The following TTC28 variants were observed in gnomAD, a reference collection of about 807,000 sequenced individuals.
The protein encoded by TTC28 is tetratricopeptide repeat domain 28, also known as tetratricopeptide repeat protein 28.
TTC28 carries 61 observed loss-of-function variants against 198.0 expected under a neutral mutation model. The ratio of observed to expected loss-of-function variants is 0.31; its 90% CI spans 0.25 to 0.38. The LOEUF is 0.38. Among genes scored for constraint, TTC28 ranks in the 10% least tolerant of loss-of-function variants. The pLI is 1.00. For synonymous variants in TTC28, 1,171 were observed against 1,297.8 expected (o/e 0.90, Z 2.10); for missense variants, 2,678 against 3,164.0 (o/e 0.85, Z 3.69).
intron 2 of TTC28, among the ~76,000 whole-genome samples, chr22:28,613,951 A>G (rs8136995): frequency 0.14 from 20,760 of 152,220 alleles, 1,671 homozygotes; most frequent in African/African-American, 0.2. Context: ...CAGAGAAATC[A>G]GGCAAGAGAA....
At chr22:28,159,932 T>C (rs1569168785) in intron 6 of TTC28, among the ~76,000 whole-genome samples, 1 of 152,210 alleles carries the variant, frequency 6.6e-6, no homozygotes, top group Non-Finnish European at 1.5e-5. Flanking sequence ...ATGGTCATTA[T>C]GTCAAGTGAA....
chr22:28,267,741 A>G (rs1052738803), intron 5 of TTC28, among the ~76,000 whole-genome samples: 1 of 152,158 alleles, frequency 6.6e-6, no homozygotes, highest in African/African-American at 2.4e-5. Context: ...ACCTAATCAG[A>G]AGTAAGCACT....
intron 2 of TTC28, among the ~76,000 whole-genome samples, chr22:28,391,320 T>C (rs1198253144): frequency 6.6e-6 from 1 of 152,162 alleles, no homozygotes; most frequent in Non-Finnish European, 1.5e-5. Flanking sequence ...ATTATGTGTC[T>C]TGGAGTTGCT....
At chr22:28,641,099 G>A (rs1389078210) in intron 1 of TTC28, among the ~76,000 whole-genome samples, 1 of 152,124 alleles carries the variant, frequency 6.6e-6, no homozygotes, top group Non-Finnish European at 1.5e-5. Flanking sequence ...GCCGAGGTAG[G>A]TGGATCACGA....
chr22:28,630,056 G>A (rs1170556325), intron 1 of TTC28, among the ~76,000 whole-genome samples: 3 of 151,986 alleles, frequency 2.0e-5, no homozygotes, highest in Admixed American at 2.0e-4. Context: ...TATTTCCAGT[G>A]AGAGCCGGTT....
At chr22:28,280,310 AAAAG>A (rs1444251171) in intron 5 of TTC28, among the ~76,000 whole-genome samples, 2 of 151,802 alleles carry the variant, frequency 1.3e-5, no homozygotes, top group Non-Finnish European at 2.9e-5. Context: ...AAAAAATTAA[AAAAG>A]AAAAAAGTAA....
At chr22:28,384,482 T>C (rs564005132) in intron 2 of TTC28, among the ~76,000 whole-genome samples, 5 of 152,348 alleles carry the variant, frequency 3.3e-5, no homozygotes, top group African/African-American at 4.8e-5. Flanking sequence ...CATCTCTTTG[T>C]CCCATACTAG....
At chr22:28,335,635 T>C (rs1006023477) in intron 2 of TTC28, among the ~76,000 whole-genome samples, 1 of 152,174 alleles carries the variant, frequency 6.6e-6, no homozygotes, top group African/African-American at 2.4e-5. Context: ...TTTGGCTCTC[T>C]GTTTGTCTGT....
intron 2 of TTC28, among the ~76,000 whole-genome samples, chr22:28,523,687 T>G (rs959933459): frequency 2.9e-4 from 44 of 152,128 alleles, no homozygotes; most frequent in Admixed American, 6.5e-4. Flanking sequence ...TCAGAAAGAT[T>G]AAGTTATTTT....
chr22:28,096,462 G>A (rs1331318980), intron 10 of TTC28, 54 bp from the exon 11 acceptor site: 19 of 1,536,510 alleles, frequency 1.2e-5, no homozygotes, highest in Non-Finnish European at 1.6e-5. Context: ...CTTACTTAGA[G>A]AGGCCTATCA....
intron 12 of TTC28, among the ~76,000 whole-genome samples, chr22:28,090,443 C>G (rs1019715156): frequency 1.3e-5 from 2 of 151,820 alleles, no homozygotes; most frequent in African/African-American, 4.8e-5. Context: ...ATAGATATAA[C>G]ATAATTTGTT....
At chr22:28,578,999 A>G (rs1407169519) in intron 2 of TTC28, among the ~76,000 whole-genome samples, 2 of 152,038 alleles carry the variant, frequency 1.3e-5, no homozygotes, top group East Asian at 3.8e-4. Context: ...CTGGGCAAAC[A>G]TATATATGCA....
chr22:28,571,106 T>C (rs1204528449), intron 2 of TTC28, among the ~76,000 whole-genome samples: 1 of 152,184 alleles, frequency 6.6e-6, no homozygotes, highest in African/African-American at 2.4e-5. Context: ...ATGTCCTGAA[T>C]AGGTCAATGC....
At chr22:28,546,553 C>G (rs1383476798) in intron 2 of TTC28, among the ~76,000 whole-genome samples, 1 of 152,162 alleles carries the variant, frequency 6.6e-6, no homozygotes, top group South Asian at 2.1e-4. Flanking sequence ...GTGGTACAAA[C>G]ACTATGGCAA....
chr22:28,026,423 C>T lies in TTC28; in HGVS notation c.4073+3803G>A, dbSNP rs150273364. 5.0e-3 allele frequency among the ~76,000 whole-genome samples: 761 copies of T among 152,290 alleles called. 3 individuals carry two copies. Among genetic ancestry groups the T allele is most frequent in the Non-Finnish European group, 8.6e-3 (587 of 68,016 alleles). ...ACCCGTGCCACGTTAAATGTGGGCACGCTGAGCACTGTGGCCGGCCCACTC... is the reference window on the plus strand; with the variant it reads ...ACCCGTGCCACGTTAAATGTGGGCATGCTGAGCACTGTGGCCGGCCCACTC... On this transcript the variant is annotated intron_variant, in intron 13 of 22. Coordinates refer to ENST00000397906, the MANE Select transcript of TTC28 (RefSeq NM_001145418.2).
At chr22:28,094,716 A>G (rs1447889672) in intron 11 of TTC28, among the ~76,000 whole-genome samples, 1 of 152,246 alleles carries the variant, frequency 6.6e-6, no homozygotes, top group African/African-American at 2.4e-5. Flanking sequence ...TATGTAGTAT[A>G]AAGGCCAGAT....
chr22:28,675,734 G>GTC lies in TTC28; in HGVS notation c.102+3886_102+3887dup, dbSNP rs1208075482. Among the ~76,000 whole-genome samples, 773 of 80,980 alleles carry GTC rather than the reference G, an allele frequency of 9.5e-3. 6 individuals are homozygous for GTC. Among genetic ancestry groups the GTC allele is most frequent in the African/African-American group, 0.036 (710 of 19,666 alleles). The allele number at this position is 80,980 out of a possible 152,430, so 53.1% of individuals were successfully genotyped here. ...AGCCTGGGCGACAGAGTGAAACCCT[G>GTC]TCACACACACACACACACACACACA... On this transcript the variant is annotated intron_variant, in intron 1 of 22. Transcript: ENST00000397906.
At chr22:28,371,292 C>CA (rs1447029839) in intron 2 of TTC28, among the ~76,000 whole-genome samples, 1 of 150,366 alleles carries the variant, frequency 6.7e-6, no homozygotes, top group African/African-American at 2.4e-5. Flanking sequence ...CTGAGGCAGG[C>CA]AGATCGCTTG....
intron 6 of TTC28, among the ~76,000 whole-genome samples, chr22:28,159,118 T>C (rs962339331): frequency 6.6e-6 from 1 of 152,164 alleles, no homozygotes; most frequent in African/African-American, 2.4e-5. Flanking sequence ...TGAATAGACA[T>C]TTCTCAAAAG....
Sources: gnomAD v4.1 joint callset for allele counts (sites outside exome capture counted in the v4.1 genomes callset) on GRCh38, gnomAD v4.1.1 for gene constraint, MANE v1.5 for transcripts, NCBI Gene and HGNC (gene_info 2026-07-23, HGNC 2026-07-21) for gene names.